RAI14: variants seen among roughly 807,000 people sequenced by gnomAD.
The protein encoded by RAI14 is retinoic acid induced 14.
Under a neutral mutation model 115.4 loss-of-function variants are expected in RAI14, and 45 were observed. The observed-to-expected ratio is 0.39, with a 90% CI of 0.31 to 0.50. The LOEUF (loss-of-function observed/expected upper bound fraction) is 0.50. Ranked by LOEUF, RAI14 falls within the 20% of genes least tolerant of loss-of-function variation. The probability of loss-of-function intolerance (pLI) is 0.85; values close to 1 mark genes in which losing one functional copy is unlikely to be tolerated. For missense variants in RAI14, 939 were observed against 1,131.2 expected (o/e 0.83, Z 2.44); for synonymous variants, 371 against 415.4 (o/e 0.89, Z 1.30).
chr5:34,665,753 A>C (rs1051058111), intron 1 of RAI14, among the ~76,000 whole-genome samples: 11 of 152,142 alleles, frequency 7.2e-5, no homozygotes, highest in African/African-American at 2.7e-4. Context: ...AAGAACCCAC[A>C]ATGACCACCT....
In RAI14 at chr5:34,795,966, C is replaced by T. The variant is rs192426703; in HGVS notation, c.195C>T (p.His65=). 1.2e-5 allele frequency: 20 copies of T among 1,612,884 alleles called. No individual in the cohort carries two copies. The East Asian group carries it at 1.8e-4, about 14-fold the overall frequency. The change falls in exon 4 of 18, where the codon CAC becomes CAT. Residue 65 remains histidine, a synonymous_variant. Coordinates refer to ENST00000265109, the MANE Select transcript of RAI14 (RefSeq NM_015577.3). ...TAFHLAAAKG[H]VECLRVMITH... ...TCCATCTTGCTGCTGCAAAAGGACA[C>T]GTGGAATGCCTCAGGGTCATGATTA... is the stretch of plus-strand genomic sequence containing the variant.
intron 2 of RAI14, among the ~76,000 whole-genome samples, chr5:34,713,416 C>T (rs1290916526): frequency 2.6e-5 from 4 of 152,118 alleles, no homozygotes; most frequent in Non-Finnish European, 5.9e-5. Flanking sequence ...AAGCTATCCT[C>T]CTACTTCAGC....
At chr5:34,722,921 T>A (rs1742960960) in intron 2 of RAI14, among the ~76,000 whole-genome samples, 1 of 151,160 alleles carries the variant, frequency 6.6e-6, no homozygotes. Context: ...AATACAAAAA[T>A]GTATAAATAA....
chr5:34,814,950 A>G (rs1331319356), intron 12 of RAI14, among the ~76,000 whole-genome samples: 1 of 152,210 alleles, frequency 6.6e-6, no homozygotes, highest in Non-Finnish European at 1.5e-5. Context: ...CATTTAAAAA[A>G]AAAAGAGACA....
intron 3 of RAI14, among the ~76,000 whole-genome samples, chr5:34,767,455 C>A (rs904778040): frequency 1.3e-5 from 2 of 152,148 alleles, no homozygotes; most frequent in African/African-American, 4.8e-5. Flanking sequence ...GCGGGAGATT[C>A]TCATGCTGAG....
At chr5:34,674,647 C>T (rs988320956) in intron 1 of RAI14, among the ~76,000 whole-genome samples, 5 of 145,716 alleles carry the variant, frequency 3.4e-5, no homozygotes, top group East Asian at 4.0e-4. Context: ...TACAGTGGTG[C>T]GATCTCACCT....
At position 34,812,171 on chromosome 5, in the gene RAI14, C is replaced by T; in HGVS notation, c.737-9C>T. The T allele has an allele frequency of 1.3e-6, 2 of 1,573,422 alleles. No homozygotes were observed. Among genetic ancestry groups the T allele is most frequent in the Non-Finnish European group, 1.7e-6 (2 of 1,150,004 alleles). On this transcript the variant is annotated splice_polypyrimidine_tract_variant and intron_variant, in intron 9 of 17. Coordinates refer to ENST00000265109, the MANE Select transcript of RAI14 (RefSeq NM_015577.3). ...CTTATAGTTCTTTTTTTCACTTTTTCCTCTATAGATTTAAAGACCCCAACA... is the reference window on the plus strand; with the variant it reads ...CTTATAGTTCTTTTTTTCACTTTTTTCTCTATAGATTTAAAGACCCCAACA...
chr5:34,781,041 T>C (rs1031376021), intron 3 of RAI14, among the ~76,000 whole-genome samples: 6 of 151,838 alleles, frequency 4.0e-5, no homozygotes, highest in Non-Finnish European at 7.4e-5. Context: ...TATGCAGTCA[T>C]AAAAAAGGAT....
intron 2 of RAI14, among the ~76,000 whole-genome samples, chr5:34,691,802 C>A (rs1387062541): frequency 6.6e-6 from 1 of 152,056 alleles, no homozygotes; most frequent in Non-Finnish European, 1.5e-5. Flanking sequence ...ATCAAAACAG[C>A]CAGTTTAAAG....
chr5:34,706,883 T>C (rs1323975425), intron 2 of RAI14, among the ~76,000 whole-genome samples: 1 of 152,200 alleles, frequency 6.6e-6, no homozygotes, highest in African/African-American at 2.4e-5. Context: ...GTTTTTCATC[T>C]TCCTTAACAA....
chr5:34,710,129 G>A (rs187761419), intron 2 of RAI14, among the ~76,000 whole-genome samples: 2 of 152,334 alleles, frequency 1.3e-5, no homozygotes, highest in East Asian at 3.9e-4. Context: ...CTGGAATAAA[G>A]TGCCACAGAT....
chr5:34,771,504 G>A (rs1750153656), intron 3 of RAI14, among the ~76,000 whole-genome samples: 1 of 152,156 alleles, frequency 6.6e-6, no homozygotes, highest in Non-Finnish European at 1.5e-5. Flanking sequence ...ATTTCAGCCG[G>A]TAATCAGAAA....
intron 2 of RAI14, among the ~76,000 whole-genome samples, chr5:34,752,222 T>TA (rs11375336): frequency 0.58 from 87,526 of 151,894 alleles, 25,788 homozygotes; most frequent in African/African-American, 0.7. Context: ...ATTTAGCCTA[T>TA]AAAAAAACCT....
intron 3 of RAI14, among the ~76,000 whole-genome samples, chr5:34,759,937 ACCCTG>A (rs1445203542): frequency 6.6e-6 from 1 of 152,066 alleles, no homozygotes; most frequent in East Asian, 1.9e-4. Flanking sequence ...CCAGTCACCT[ACCCTG>A]CTCGTCCTAG....
intron 2 of RAI14, among the ~76,000 whole-genome samples, chr5:34,699,935 C>T (rs533287983): frequency 5.9e-5 from 9 of 152,166 alleles, no homozygotes; most frequent in African/African-American, 1.4e-4. Context: ...GTGACAGGGA[C>T]GCCTAGGAGC....
intron 5 of RAI14, among the ~76,000 whole-genome samples, chr5:34,804,641 C>T (rs924944324): frequency 3.9e-5 from 6 of 152,186 alleles, no homozygotes; most frequent in African/African-American, 7.2e-5. Flanking sequence ...TCTTGTCTTG[C>T]GTTACATGAT....
At chr5:34,681,856 C>CTT (rs553263716) in intron 1 of RAI14, among the ~76,000 whole-genome samples, 127 of 122,154 alleles carry the variant, frequency 1.0e-3, no homozygotes, top group African/African-American at 3.8e-3. Flanking sequence ...TTCTTTCTTT[C>CTT]TTTTTTTTTT....
intron 2 of RAI14, among the ~76,000 whole-genome samples, chr5:34,697,458 A>G (rs1739409470): frequency 6.6e-6 from 1 of 152,058 alleles, no homozygotes; most frequent in Non-Finnish European, 1.5e-5. Flanking sequence ...AGAAAAAAAA[A>G]AAAAGAAATG....
intron 3 of RAI14, among the ~76,000 whole-genome samples, chr5:34,783,681 C>A (rs1751946913): frequency 6.6e-6 from 1 of 152,100 alleles, no homozygotes; most frequent in Non-Finnish European, 1.5e-5. Flanking sequence ...TCCCTGTTTT[C>A]CCCCCTTAGC....
Sources: gnomAD v4.1 joint callset for allele counts (sites outside exome capture counted in the v4.1 genomes callset) on GRCh38, gnomAD v4.1.1 for gene constraint, MANE v1.5 for transcripts, NCBI Gene and HGNC (gene_info 2026-07-23, HGNC 2026-07-21) for gene names.